Variants in PEBP4 observed in about 807,000 individuals in gnomAD.
PEBP4 encodes phosphatidylethanolamine-binding protein 4.
In PEBP4, 22 loss-of-function variants were observed where a neutral mutation model predicts 23.9. The ratio of observed to expected loss-of-function variants is 0.92; its 90% CI spans 0.66 to 1.31. PEBP4 has a LOEUF of 1.31. Among genes scored for constraint, PEBP4 ranks in the 40% most tolerant of loss-of-function variants. PEBP4 has a pLI of 0.00. For missense variants in PEBP4, 324 were observed against 281.7 expected (o/e 1.15, Z -1.07); for synonymous variants, 112 against 99.3 (o/e 1.13, Z -0.76).
At chr8:22,905,428 G>A (rs1002313357) in intron 3 of PEBP4, among the ~76,000 whole-genome samples, 1 of 152,136 alleles carries the variant, frequency 6.6e-6, no homozygotes, top group Non-Finnish European at 1.5e-5. Flanking sequence ...GGCAATTAAA[G>A]TGCAGAGTTT....
intron 3 of PEBP4, among the ~76,000 whole-genome samples, chr8:22,848,394 G>A (rs1807483702): frequency 1.3e-5 from 2 of 152,024 alleles, no homozygotes; most frequent in African/African-American, 4.8e-5. Flanking sequence ...GGCGATGTGG[G>A]CTGTGCCAGG....
At chr8:22,860,868 T>G (rs1249481319) in intron 3 of PEBP4, among the ~76,000 whole-genome samples, 2 of 152,194 alleles carry the variant, frequency 1.3e-5, no homozygotes, top group African/African-American at 4.8e-5. Context: ...CAGCCCTGAC[T>G]GTCCATGTTC....
intron 3 of PEBP4, among the ~76,000 whole-genome samples, chr8:22,844,219 C>T (rs1421758042): frequency 6.6e-6 from 1 of 152,200 alleles, no homozygotes; most frequent in Non-Finnish European, 1.5e-5. Flanking sequence ...GATTGCAAGG[C>T]TGTACCCGGT....
At chr8:22,726,032 C>T (rs1006495331) in intron 5 of PEBP4, among the ~76,000 whole-genome samples, 4 of 79,398 alleles carry the variant, frequency 5.0e-5, no homozygotes, top group Admixed American at 1.3e-4. Flanking sequence ...TGTGTGTGTG[C>T]ACGCGCATGT....
At chr8:22,845,917 C>G (rs528390226) in intron 3 of PEBP4, among the ~76,000 whole-genome samples, 9 of 152,346 alleles carry the variant, frequency 5.9e-5, no homozygotes, top group African/African-American at 2.2e-4. Flanking sequence ...GCGTGGTCAG[C>G]CAGGCCCTGG....
chr8:22,788,519 C>T (rs929225949), intron 4 of PEBP4, among the ~76,000 whole-genome samples: 3 of 152,144 alleles, frequency 2.0e-5, no homozygotes, highest in Non-Finnish European at 1.5e-5. Flanking sequence ...CAGAGTCTCA[C>T]CCATACTGCG....
intron 3 of PEBP4, among the ~76,000 whole-genome samples, chr8:22,827,583 T>G (rs1430784161): frequency 1.3e-5 from 2 of 152,250 alleles, no homozygotes; most frequent in Non-Finnish European, 2.9e-5. Flanking sequence ...TCATTCCTTT[T>G]TATTGTTGAA....
intron 3 of PEBP4, among the ~76,000 whole-genome samples, chr8:22,897,063 T>C (rs1458701085): frequency 1.3e-5 from 2 of 151,884 alleles, no homozygotes; most frequent in African/African-American, 4.8e-5. Flanking sequence ...ATATATATAA[T>C]CCAAATATAC....
intron 4 of PEBP4, among the ~76,000 whole-genome samples, chr8:22,784,222 G>A (rs1185872628): frequency 6.6e-6 from 1 of 152,198 alleles, no homozygotes; most frequent in East Asian, 1.9e-4. Context: ...AAACTGAGTA[G>A]ATGATGATAT....
chr8:22,842,909 C>T (rs1472306783), intron 3 of PEBP4, among the ~76,000 whole-genome samples: 1 of 152,204 alleles, frequency 6.6e-6, no homozygotes, highest in Non-Finnish European at 1.5e-5. Flanking sequence ...CTCACTGCAA[C>T]CTCTGCCTCC....
intron 4 of PEBP4, among the ~76,000 whole-genome samples, chr8:22,801,536 G>C (rs1447658751): frequency 6.6e-6 from 1 of 152,192 alleles, no homozygotes; most frequent in African/African-American, 2.4e-5. Context: ...GAAAGGGTGA[G>C]GGGTAGCGTC....
intron 3 of PEBP4, among the ~76,000 whole-genome samples, chr8:22,893,177 C>T (rs907456598): frequency 9.9e-5 from 15 of 152,264 alleles, no homozygotes; most frequent in Middle Eastern, 3.4e-3. Context: ...AGTAAAAATG[C>T]CACAGAATTC....
At chr8:22,852,749 C>T (rs1243289899) in intron 3 of PEBP4, among the ~76,000 whole-genome samples, 1 of 151,792 alleles carries the variant, frequency 6.6e-6, no homozygotes, top group Non-Finnish European at 1.5e-5. Flanking sequence ...TTAAATACAT[C>T]GATGAGGCAT....
At chr8:22,849,261 T>C (rs1807502381) in intron 3 of PEBP4, among the ~76,000 whole-genome samples, 1 of 152,228 alleles carries the variant, frequency 6.6e-6, no homozygotes. Flanking sequence ...GCTGAGGCAC[T>C]GAGTAAAAAT....
chr8:22,878,732 G>A (rs1002223912), intron 3 of PEBP4, among the ~76,000 whole-genome samples: 1 of 152,210 alleles, frequency 6.6e-6, no homozygotes, highest in Non-Finnish European at 1.5e-5. Context: ...CAGAGAGGAG[G>A]CTTGGAGCTC....
chr8:22,860,196 A>ATATATACACATATATG (rs1563240365), intron 3 of PEBP4, among the ~76,000 whole-genome samples: 3 of 52,798 alleles, frequency 5.7e-5, no homozygotes, highest in East Asian at 1.1e-3. Context: ...ATATATGTAT[A>ATATATACACATATATG]TATATATATA....
chr8:22,720,421 CA>C, intron 6 of PEBP4, among the ~76,000 whole-genome samples: 1 of 152,126 alleles, frequency 6.6e-6, no homozygotes, highest in Non-Finnish European at 1.5e-5. Flanking sequence ...CCCAGATGGG[CA>C]GTGGTGGGCA....
At chr8:22,728,968 A>C (rs991124790) in intron 4 of PEBP4, among the ~76,000 whole-genome samples, 10 of 152,112 alleles carry the variant, frequency 6.6e-5, no homozygotes, top group Non-Finnish European at 1.2e-4. Flanking sequence ...GGATCTGGGC[A>C]GCCTTCAACA....
At chr8:22,739,121 C>T (rs745718163) in intron 4 of PEBP4, among the ~76,000 whole-genome samples, 1 of 152,096 alleles carries the variant, frequency 6.6e-6, no homozygotes, top group African/African-American at 2.4e-5. Flanking sequence ...CTGTTACCCA[C>T]CCAGGGGGCT....
Sources: allele counts gnomAD v4.1 joint callset (sites outside exome capture counted in the v4.1 genomes callset), GRCh38; gene constraint gnomAD v4.1.1; transcripts MANE v1.5; gene names NCBI Gene and HGNC (gene_info 2026-07-23, HGNC 2026-07-21).